The following ERICH3 variants were observed in gnomAD, a reference collection of about 807,000 sequenced individuals.
The protein encoded by ERICH3 is glutamate-rich protein 3.
A neutral mutation model predicts 131.1 loss-of-function variants in ERICH3; 126 were observed. The ratio of observed to expected loss-of-function variants is 0.96; its 90% CI spans 0.83 to 1.11. The LOEUF is 1.11. ERICH3 is among the 50% of genes most tolerant of loss of function. ERICH3 has a pLI of 0.00. For synonymous variants in ERICH3, 695 were observed against 644.6 expected (o/e 1.08, Z -1.18); for missense variants, 2,050 against 1,810.7 (o/e 1.13, Z -2.40).
intron 11 of ERICH3, among the ~76,000 whole-genome samples, chr1:74,599,083 A>G (rs1158096886): frequency 1.3e-5 from 2 of 151,992 alleles, no homozygotes; most frequent in African/African-American, 4.8e-5. Context: ...TTTGTAAAAA[A>G]TTACATAAAT....
intron 11 of ERICH3, among the ~76,000 whole-genome samples, chr1:74,591,045 A>T (rs1460024978): frequency 6.6e-6 from 1 of 152,126 alleles, no homozygotes; most frequent in Non-Finnish European, 1.5e-5. Flanking sequence ...CTACTGTACT[A>T]TCCACCATCC....
At chr1:74,607,637 C>T (rs573853609) in intron 9 of ERICH3, among the ~76,000 whole-genome samples, 1 of 151,850 alleles carries the variant, frequency 6.6e-6, no homozygotes, top group South Asian at 2.1e-4. Context: ...GTTCTTATTC[C>T]TCAAAAATGG....
intron 6 of ERICH3, among the ~76,000 whole-genome samples, chr1:74,632,317 A>AGGGTTTGCATAT (rs1373613986): frequency 2.6e-5 from 4 of 152,114 alleles, no homozygotes; most frequent in African/African-American, 9.6e-5. Context: ...TATTTCAGGC[A>AGGGTTTGCATAT]TCTAGGTATT....
chr1:74,655,908 GAGA>G (rs1646579573), intron 1 of ERICH3, among the ~76,000 whole-genome samples: 1 of 152,124 alleles, frequency 6.6e-6, no homozygotes, highest in African/African-American at 2.4e-5. Context: ...ACTGGAGGCT[GAGA>G]AGTTCAAGAT....
intron 11 of ERICH3, 29 bp from the exon 12 acceptor site, chr1:74,590,109 T>C: frequency 1.3e-6 from 2 of 1,505,152 alleles, no homozygotes; most frequent in Non-Finnish European, 8.9e-7. Context: ...ATGACATTGT[T>C]GTTGTTCTGT....
chr1:74,612,829 A>C lies in ERICH3; in HGVS notation c.1001-20T>G. 6.5e-7 allele frequency: 1 copy of C among 1,542,620 alleles called. No individual in the cohort carries two copies. Among genetic ancestry groups the C allele is most frequent in the Non-Finnish European group, 8.9e-7 (1 of 1,129,134 alleles). ...AGGTCTCTGGAATTAAAATAGAAAT[A>C]CATTAGTGAAAGCAACTGACTTCGG... On this transcript the variant is annotated intron_variant, in intron 8 of 14. Transcript: ENST00000326665.
chr1:74,589,618 C>G lies in ERICH3; in HGVS notation c.2176+13G>C. 5 of 1,610,892 alleles carry G rather than the reference C, an allele frequency of 3.1e-6. No homozygotes were observed. The South Asian group carries it at 3.3e-5, about 11-fold the overall frequency. On this transcript the variant is annotated intron_variant, in intron 12 of 14. Transcript: ENST00000326665. ...TGAGGATGATGGCAGCTCAACTCAA[C>G]GGCCATACTTACCACCTTCCTCCAA...
rs1646971267 is a variant in ERICH3, at chr1:74,572,471, AC to A, written c.3238del (p.Val1080Ter). On this transcript the variant is annotated frameshift_variant, in exon 14 of 15. Transcript: ENST00000326665. LOFTEE classifies it high-confidence loss of function. Reference sequence around the variant, plus strand: ...ATCCTTGAGTGCATTTGCCCTTGTCACCTCTTCTCTCTCAGAGTCAGTTTTC... The same window carrying A: ...ATCCTTGAGTGCATTTGCCCTTGTCACTCTTCTCTCTCAGAGTCAGTTTTC... Reference protein sequence around the residue: ...LRKTDSEREEVTRANALKDED... With the variant: ...LRKTDSEREEXTRANALKDED... The A allele has an allele frequency of 6.2e-7, 1 of 1,613,378 alleles. No homozygotes were observed. The highest frequency in any genetic ancestry group is 8.5e-7 in the Non-Finnish European group (1 of 1,179,920).
At chr1:74,592,555 G>T (rs970270446) in intron 11 of ERICH3, among the ~76,000 whole-genome samples, 2 of 152,092 alleles carry the variant, frequency 1.3e-5, no homozygotes, top group African/African-American at 4.8e-5. Flanking sequence ...CCTACTTTTA[G>T]CTCTGAGAGT....
At chr1:74,651,073 G>T (rs776571945) in intron 1 of ERICH3, among the ~76,000 whole-genome samples, 4 of 152,032 alleles carry the variant, frequency 2.6e-5, no homozygotes, top group Non-Finnish European at 5.9e-5. Flanking sequence ...TACATTTTAT[G>T]AACCACTAAT....
At chr1:74,663,218 C>T (rs1417505653) in intron 1 of ERICH3, among the ~76,000 whole-genome samples, 2 of 152,076 alleles carry the variant, frequency 1.3e-5, no homozygotes, top group Non-Finnish European at 2.9e-5. Flanking sequence ...ATGTGTCAGG[C>T]CCTGTGCTAC....
chr1:74,576,049 T>C (rs538685910), intron 13 of ERICH3, among the ~76,000 whole-genome samples: 1 of 152,286 alleles, frequency 6.6e-6, no homozygotes, highest in African/African-American at 2.4e-5. Flanking sequence ...CAGACTAACC[T>C]GGGTAAAAAA....
chr1:74,604,083 T>G (rs888820182), intron 10 of ERICH3, among the ~76,000 whole-genome samples: 2 of 151,948 alleles, frequency 1.3e-5, no homozygotes, highest in Non-Finnish European at 2.9e-5. Flanking sequence ...CTTTATCAAC[T>G]AATACATTTT....
intron 1 of ERICH3, among the ~76,000 whole-genome samples, chr1:74,658,593 T>G (rs1646607549): frequency 6.7e-6 from 1 of 148,366 alleles, no homozygotes; most frequent in Non-Finnish European, 1.5e-5. Flanking sequence ...ATTGAGCATA[T>G]TATACAAAGA....
chr1:74,662,101 T>C (rs896566872), intron 1 of ERICH3, among the ~76,000 whole-genome samples: 1 of 152,186 alleles, frequency 6.6e-6, no homozygotes, highest in African/African-American at 2.4e-5. Flanking sequence ...GCCTGAGTTC[T>C]CCTTCTCCCT....
intron 12 of ERICH3, 44 bp from the exon 13 acceptor site, chr1:74,576,980 C>T (rs372482504): frequency 7.5e-5 from 115 of 1,527,966 alleles, no homozygotes; most frequent in Admixed American, 9.7e-5. Context: ...AAATGAATCA[C>T]TGTGAAATGT....
At chr1:74,634,101 G>C (rs936307483) in intron 6 of ERICH3, among the ~76,000 whole-genome samples, 1 of 151,942 alleles carries the variant, frequency 6.6e-6, no homozygotes, top group Non-Finnish European at 1.5e-5. Context: ...AGTTTTTTGA[G>C]TGCTCACTAC....
chr1:74,579,454 CCA>C, intron 12 of ERICH3: 1 of 985,362 alleles, frequency 1.0e-6, no homozygotes. Flanking sequence ...GATGTTATCA[CCA>C]CTTGCCCACG....
At chr1:74,629,674 C>A (rs948684702) in intron 7 of ERICH3, among the ~76,000 whole-genome samples, 1 of 152,198 alleles carries the variant, frequency 6.6e-6, no homozygotes, top group Admixed American at 6.5e-5. Flanking sequence ...GATACCTTGA[C>A]ACACTCATGA....
Sources: allele counts gnomAD v4.1 joint callset (sites outside exome capture counted in the v4.1 genomes callset), GRCh38; gene constraint gnomAD v4.1.1; transcripts MANE v1.5; gene names NCBI Gene and HGNC (gene_info 2026-07-23, HGNC 2026-07-21).